HSPBAP1: variants seen among roughly 807,000 people sequenced by gnomAD.
HSPBAP1 encodes HSPB1-associated protein 1.
In HSPBAP1, 27 loss-of-function variants were observed where a neutral mutation model predicts 45.2. The observed-to-expected ratio is 0.60, with a 90% CI of 0.44 to 0.82. HSPBAP1 has a LOEUF of 0.82. Among genes scored for constraint, HSPBAP1 ranks in the 40% least tolerant of loss-of-function variants. The pLI, the probability that HSPBAP1 is intolerant of heterozygous loss-of-function variation, is 0.00. For missense variants in HSPBAP1, 510 were observed against 590.9 expected (o/e 0.86, Z 1.42); for synonymous variants, 204 against 202.7 (o/e 1.01, Z -0.06).
In HSPBAP1 at chr3:122,786,195, G is replaced by T. The variant is rs144785322; in HGVS notation, c.64+7422C>A. ...CTGGTATAACACCTTGCTTTCTGAG[G>T]CCATCATTTTCAAGGATAACCATAT... is the stretch of plus-strand genomic sequence containing the variant. On this transcript the variant is annotated intron_variant, in intron 1 of 7. Coordinates refer to ENST00000306103, the MANE Select transcript of HSPBAP1 (RefSeq NM_024610.6). Among the ~76,000 whole-genome samples the T allele has an allele frequency of 6.6e-5, 10 of 152,012 alleles. No individual in the cohort carries two copies. The East Asian group carries it at 1.7e-3, about 26-fold the overall frequency.
intron 3 of HSPBAP1, among the ~76,000 whole-genome samples, chr3:122,764,585 T>C (rs1934710928): frequency 1.3e-5 from 2 of 152,234 alleles, no homozygotes; most frequent in Admixed American, 1.3e-4. Context: ...AAGTATGATT[T>C]TGACACTTAA....
intron 2 of HSPBAP1, among the ~76,000 whole-genome samples, chr3:122,770,968 T>G (rs1400742212): frequency 1.3e-5 from 2 of 152,374 alleles, no homozygotes; most frequent in East Asian, 3.9e-4. Context: ...TACTTGCCCC[T>G]GGGGCGGACT....
chr3:122,784,856 ACATTT>A (rs151156464), intron 1 of HSPBAP1, among the ~76,000 whole-genome samples: 58 of 152,358 alleles, frequency 3.8e-4, no homozygotes, highest in Non-Finnish European at 7.1e-4. Context: ...ACAATACCAT[ACATTT>A]AACTGTTTAA....
At chr3:122,788,398 G>A (rs1935719358) in intron 1 of HSPBAP1, among the ~76,000 whole-genome samples, 1 of 152,040 alleles carries the variant, frequency 6.6e-6, no homozygotes, top group Admixed American at 6.6e-5. Context: ...TTGAACCCCA[G>A]CCTCCCCAAG....
At chr3:122,765,593 A>G (rs1049102562) in intron 3 of HSPBAP1, among the ~76,000 whole-genome samples, 1 of 149,572 alleles carries the variant, frequency 6.7e-6, no homozygotes, top group Non-Finnish European at 1.5e-5. Context: ...AAAAAAAAAA[A>G]AGAGAAAAAG....
intron 2 of HSPBAP1, among the ~76,000 whole-genome samples, chr3:122,769,261 C>T (rs1480622593): frequency 3.9e-5 from 6 of 152,252 alleles, no homozygotes; most frequent in East Asian, 1.9e-4. Context: ...AAAGACTACC[C>T]TATGAGTAGA....
At chr3:122,785,540 A>G (rs1935625613) in intron 1 of HSPBAP1, among the ~76,000 whole-genome samples, 2 of 151,712 alleles carry the variant, frequency 1.3e-5, no homozygotes, top group Admixed American at 1.3e-4. Context: ...CCTCTTAGTA[A>G]TTTCTTATCC....
At chr3:122,762,800 C>A (rs913447097) in intron 3 of HSPBAP1, among the ~76,000 whole-genome samples, 1 of 152,090 alleles carries the variant, frequency 6.6e-6, no homozygotes, top group South Asian at 2.1e-4. Flanking sequence ...TATAATCAAT[C>A]TTGATAAAGA....
intron 4 of HSPBAP1, among the ~76,000 whole-genome samples, chr3:122,755,837 C>T (rs949188020): frequency 1.3e-5 from 2 of 152,184 alleles, no homozygotes; most frequent in African/African-American, 4.8e-5. Context: ...TTATTCAGAG[C>T]AAACACTCAT....
At chr3:122,783,082 A>G (rs1935544743) in intron 1 of HSPBAP1, among the ~76,000 whole-genome samples, 1 of 152,146 alleles carries the variant, frequency 6.6e-6, no homozygotes, top group South Asian at 2.1e-4. Context: ...AAGGCAGAAG[A>G]CTCAGGGAGT....
At chr3:122,785,850 T>C (rs1260318276) in intron 1 of HSPBAP1, among the ~76,000 whole-genome samples, 11 of 152,028 alleles carry the variant, frequency 7.2e-5, no homozygotes, top group Non-Finnish European at 1.5e-5. Flanking sequence ...TATAGATAGA[T>C]AGATAGATAG....
At chr3:122,752,734 A>C (rs1934203616) in intron 5 of HSPBAP1, 60 bp from the exon 6 acceptor site, 3 of 1,481,294 alleles carry the variant, frequency 2.0e-6, no homozygotes, top group Non-Finnish European at 1.8e-6. Context: ...TTATGTCAGA[A>C]TCAGACCCTA....
At position 122,755,272 on chromosome 3, in the gene HSPBAP1, C is replaced by T; in HGVS notation, c.729G>A (p.Leu243=). The stretch of plus-strand genomic sequence containing the variant: ...AAAGCCCTATTACCTGTCCTGGGCT[C>T]AGTGTAACCGCATGTCTTTGAGCTT... ...FRKAQRHAVT[L]SPGQVLFVPR... The change falls in exon 5 of 8, where the codon CTG becomes CTA. Residue 243 remains leucine (L), a synonymous_variant. Coordinates refer to ENST00000306103, the MANE Select transcript of HSPBAP1 (RefSeq NM_024610.6). The T allele has an allele frequency of 6.3e-7, 1 of 1,579,912 alleles. No individual in the cohort carries two copies. Among genetic ancestry groups the T allele is most frequent in the Non-Finnish European group, 8.6e-7 (1 of 1,167,570 alleles).
intron 6 of HSPBAP1, among the ~76,000 whole-genome samples, chr3:122,749,691 C>T (rs1934055876): frequency 6.6e-6 from 1 of 152,086 alleles, no homozygotes; most frequent in East Asian, 1.9e-4. Context: ...TCACTGCAAC[C>T]TCCACCTCCT....
rs1271321564 is a variant in HSPBAP1 at position 122,768,690 on chromosome 3, T to G, written c.432+11A>C. 8.8e-6 allele frequency: 14 copies of G among 1,587,678 alleles called. No individual in the cohort carries two copies. The highest frequency in any genetic ancestry group is 1.2e-5 in the Non-Finnish European group (14 of 1,157,802). ...ATTCCTACCAAGATTAGAAGGAAGG[T>G]TCTGACTTACCTGGAAAAGATCTGT... On this transcript the variant is annotated intron_variant, in intron 3 of 7. Coordinates refer to ENST00000306103, the MANE Select transcript of HSPBAP1 (RefSeq NM_024610.6).
chr3:122,752,545 T>G, intron 6 of HSPBAP1, 46 bp downstream of exon 6: 1 of 1,124,058 alleles, frequency 8.9e-7, no homozygotes, highest in Non-Finnish European at 1.3e-6. Context: ...TTTAAAAGCA[T>G]GATTTGCACT....
chr3:122,742,763 C>T (rs976104252), intron 6 of HSPBAP1, among the ~76,000 whole-genome samples: 9 of 152,192 alleles, frequency 5.9e-5, no homozygotes, highest in African/African-American at 1.9e-4. Context: ...TGCCTCAAGA[C>T]TGTAATAGAA....
chr3:122,778,761 A>C (rs527351843), intron 1 of HSPBAP1, among the ~76,000 whole-genome samples: 59 of 151,980 alleles, frequency 3.9e-4, no homozygotes, highest in African/African-American at 1.2e-3. Context: ...CGATCTCCTG[A>C]CCTCGTGATC....
chr3:122,778,074 A>T (rs1016098029), intron 1 of HSPBAP1, among the ~76,000 whole-genome samples, 168 bp from the exon 2 acceptor site: 1 of 151,946 alleles, frequency 6.6e-6, no homozygotes, highest in African/African-American at 2.4e-5. Context: ...GCCTCAAAAG[A>T]CCTGATTCTT....
Sources: allele counts gnomAD v4.1 joint callset (sites outside exome capture counted in the v4.1 genomes callset), GRCh38; gene constraint gnomAD v4.1.1; transcripts MANE v1.5; gene names NCBI Gene and HGNC (gene_info 2026-07-23, HGNC 2026-07-21).